NAALADL2: variants seen among roughly 807,000 people sequenced by gnomAD.
NAALADL2 encodes inactive N-acetylated-alpha-linked acidic dipeptidase-like protein 2.
In NAALADL2, 76 loss-of-function variants were observed where a neutral mutation model predicts 87.2. The observed-to-expected ratio is 0.87, with a 90% confidence interval of 0.72 to 1.05. NAALADL2 has a LOEUF of 1.05. Ranked by LOEUF, NAALADL2 falls within the 50% of genes least tolerant of loss-of-function variation. The pLI is 0.00. For synonymous variants in NAALADL2, 354 were observed against 331.0 expected, an observed-to-expected ratio of 1.07 and a Z score of -0.75; for missense variants, 1,089 against 945.8, an observed-to-expected ratio of 1.15 and a Z score of -1.99.
chr3:174,490,835 G>T (rs1258306319), intron 1 of NAALADL2, among the ~76,000 whole-genome samples: 1 of 152,016 alleles, frequency 6.6e-6, no homozygotes, highest in East Asian at 1.9e-4. Flanking sequence ...AGCAAGATAA[G>T]CTGGCCAGTT....
intron 9 of NAALADL2, among the ~76,000 whole-genome samples, chr3:175,490,438 G>A (rs906997282): frequency 5.3e-5 from 8 of 152,012 alleles, no homozygotes; most frequent in Non-Finnish European, 1.2e-4. Context: ...CCTGGCTGGA[G>A]TGCAGTGGCA....
At chr3:175,463,697 CG>C (rs199840010) in intron 7 of NAALADL2, among the ~76,000 whole-genome samples, 2 of 107,458 alleles carry the variant, frequency 1.9e-5, no homozygotes, top group East Asian at 5.0e-4. Context: ...AAATCTTAGT[CG>C]GGGGAGAGAG....
At chr3:175,396,538 AT>A (rs71872980) in intron 5 of NAALADL2, among the ~76,000 whole-genome samples, 48,867 of 150,680 alleles carry the variant, frequency 0.32, 8,141 homozygotes, top group East Asian at 0.48. Flanking sequence ...AACCAAATGG[AT>A]TTTTTTTTTC....
At chr3:175,059,931 T>G (rs1188758368) in intron 1 of NAALADL2, 7 of 411,370 alleles carry the variant, frequency 1.7e-5, no homozygotes, top group Non-Finnish European at 2.9e-5. Context: ...CTGCCACATC[T>G]GCTTGTGGTG....
chr3:174,857,209 T>C (rs960947465), upstream of NAALADL2, among the ~76,000 whole-genome samples: 27 of 152,110 alleles, frequency 1.8e-4, no homozygotes, highest in African/African-American at 6.3e-4. Context: ...CCAGGTATGT[T>C]AAAAAACGTC....
Position 175,361,437 on chromosome 3 carries a change from G to T in NAALADL2, c.1090+37112G>T, listed in dbSNP as rs537948944. The stretch of plus-strand genomic sequence containing the variant: ...TCTAGTTCTAGATCCTTGAGGAATC[G>T]CCACACTGACTTCCACAATGGTTGA... On this transcript the variant is annotated intron_variant, in intron 5 of 13. Coordinates refer to ENST00000454872, the MANE Select transcript of NAALADL2 (RefSeq NM_207015.3). Among the ~76,000 whole-genome samples the T allele has an allele frequency of 1.4e-5, 2 of 148,076 alleles. 1 individual carries two copies. Among genetic ancestry groups the T allele is most frequent in the African/African-American group, 4.9e-5 (2 of 40,728 alleles).
At chr3:175,100,259 G>A (rs1412946966) in intron 2 of NAALADL2, among the ~76,000 whole-genome samples, 1 of 152,038 alleles carries the variant, frequency 6.6e-6, no homozygotes, top group Admixed American at 6.6e-5. Flanking sequence ...TATGGCCCCA[G>A]AGATGATTAT....
chr3:174,971,946 C>T (rs1162772662), intron 1 of NAALADL2, among the ~76,000 whole-genome samples: 1 of 152,136 alleles, frequency 6.6e-6, no homozygotes, highest in Admixed American at 6.5e-5. Context: ...GATCCACCTG[C>T]CTCGGCCTCC....
chr3:175,139,458 C>T (rs563900538), intron 2 of NAALADL2, among the ~76,000 whole-genome samples: 2 of 152,168 alleles, frequency 1.3e-5, no homozygotes, highest in African/African-American at 2.4e-5. Flanking sequence ...GAATAAGGGA[C>T]AATACATTTC....
chr3:174,680,265 C>T (rs553123928), intron 2 of NAALADL2, among the ~76,000 whole-genome samples: 80 of 152,154 alleles, frequency 5.3e-4, no homozygotes, highest in Middle Eastern at 3.4e-3. Context: ...TTTGAAAGTA[C>T]CTGAACATTT....
At position 175,803,021 on chromosome 3, in the gene NAALADL2, C is replaced by A. The variant is rs1322082924; in HGVS notation, c.2206C>A (p.Leu736Ile). The change falls in exon 14 of 14, where the codon CTT (leucine) becomes ATT (isoleucine). Residue 736 changes from leucine to isoleucine, a missense_variant. By Grantham distance (5) the Leu-to-Ile change is conservative. Transcript: ENST00000454872. The stretch of plus-strand genomic sequence containing the variant: ...TCTTTTCAGAAACATCCTCTACCAC[C>A]TTGATGAAAAGACAAGCCGGTTTTC... ...PGFYRNILYH[L>I]DEKTSRFSIL... 1 of 1,610,902 alleles carries A rather than the reference C, an allele frequency of 6.2e-7. No homozygotes were observed. The highest frequency in any genetic ancestry group is 8.5e-7 in the Non-Finnish European group (1 of 1,177,934).
chr3:174,863,928 G>C (rs1220040729), intron 1 of NAALADL2: 1 of 400,880 alleles, frequency 2.5e-6, no homozygotes, highest in Non-Finnish European at 4.9e-6. Flanking sequence ...AACACTTGAA[G>C]ACCTGAGGAA....
At position 175,522,684 on chromosome 3, in the gene NAALADL2, C is replaced by G. The variant is rs1382165636; in HGVS notation, c.1653+50926C>G. 2.6e-5 allele frequency among the ~76,000 whole-genome samples: 4 copies of G among 152,336 alleles called. No individual in the cohort carries two copies. In the East Asian group the frequency reaches 7.7e-4, roughly 29 times the overall value. On this transcript the variant is annotated intron_variant, in intron 9 of 13. Transcript: ENST00000454872. ...ATACTTTTTCTCATACCTGATCTCA[C>G]TTCTGATATTGTCTTCTCAGTACAC...
chr3:175,205,941 A>C (rs1203878759), intron 2 of NAALADL2, among the ~76,000 whole-genome samples: 1 of 151,934 alleles, frequency 6.6e-6, no homozygotes, highest in Non-Finnish European at 1.5e-5. Flanking sequence ...AAAAAATAAA[A>C]AACAGTAAAT....
At chr3:175,634,742 A>T (rs369660571) in intron 11 of NAALADL2, among the ~76,000 whole-genome samples, 2 of 151,998 alleles carry the variant, frequency 1.3e-5, no homozygotes, top group Non-Finnish European at 2.9e-5. Flanking sequence ...CTATTTAAGA[A>T]AACAAGTTTA....
At position 175,747,773 on chromosome 3, in the gene NAALADL2, A is replaced by G. The variant is rs576081685; in HGVS notation, c.1991-7447A>G. 1.1e-4 allele frequency among the ~76,000 whole-genome samples: 16 copies of G among 152,280 alleles called. 1 individual carries two copies. In the South Asian group the frequency reaches 3.3e-3, roughly 32 times the overall value. Reference sequence around the variant, plus strand: ...AACTCCACCTGAATTTAATTCATTCAGGAATGTTTTTGCTCATATTTCCCA... The same window carrying G: ...AACTCCACCTGAATTTAATTCATTCGGGAATGTTTTTGCTCATATTTCCCA... On this transcript the variant is annotated intron_variant, in intron 12 of 13. Transcript: ENST00000454872.
chr3:174,533,981 C>G (rs1721482004), intron 1 of NAALADL2, among the ~76,000 whole-genome samples: 1 of 152,232 alleles, frequency 6.6e-6, no homozygotes, highest in South Asian at 2.1e-4. Context: ...TCATTTTTCT[C>G]TACTTTATAA....
At chr3:174,705,781 T>C (rs1578616512) in intron 2 of NAALADL2, among the ~76,000 whole-genome samples, 5 of 42,458 alleles carry the variant, frequency 1.2e-4, no homozygotes. Flanking sequence ...AGACTCCGTC[T>C]CAAAAAAAAA....
At chr3:175,287,574 A>C (rs1313008946) in intron 4 of NAALADL2, among the ~76,000 whole-genome samples, 1 of 152,188 alleles carries the variant, frequency 6.6e-6, no homozygotes, top group East Asian at 1.9e-4. Context: ...TGGGAGTTTG[A>C]ATTCAAGCCC....
Sources: gnomAD v4.1 joint callset for allele counts (sites outside exome capture counted in the v4.1 genomes callset) on GRCh38, gnomAD v4.1.1 for gene constraint, MANE v1.5 for transcripts, NCBI Gene and HGNC (gene_info 2026-07-23, HGNC 2026-07-21) for gene names.